AFF3: variants seen among roughly 807,000 people sequenced by gnomAD.
The protein encoded by AFF3 is ALF transcription elongation factor 3.
Under a neutral mutation model 129.7 loss-of-function variants are expected in AFF3, and 32 were observed. The ratio of observed to expected loss-of-function variants is 0.25; its 90% CI spans 0.19 to 0.33. AFF3 has a LOEUF of 0.33. Ranked by LOEUF, AFF3 falls within the 10% of genes least tolerant of loss-of-function variation. The pLI is 1.00. For missense variants in AFF3, 1,373 were observed against 1,592.0 expected, an observed-to-expected ratio of 0.86 and a Z score of 2.34; for synonymous variants, 644 against 635.4, an observed-to-expected ratio of 1.01 and a Z score of -0.20.
chr2:100,055,897 C>T (rs1206274472), intron 4 of AFF3, among the ~76,000 whole-genome samples: 1 of 152,060 alleles, frequency 6.6e-6, no homozygotes, highest in African/African-American at 2.4e-5. Flanking sequence ...GTGGGCCCAG[C>T]ACAGTGGCTC....
intron 7 of AFF3, among the ~76,000 whole-genome samples, chr2:99,958,007 T>C (rs932616469): frequency 1.3e-5 from 2 of 152,154 alleles, no homozygotes; most frequent in African/African-American, 4.8e-5. Context: ...GTTTTACCCC[T>C]AGAATGAGGA....
intron 8 of AFF3, among the ~76,000 whole-genome samples, chr2:99,803,349 A>G (rs953549260): frequency 6.6e-6 from 1 of 151,958 alleles, no homozygotes; most frequent in African/African-American, 2.4e-5. Context: ...TTCATTGAGG[A>G]TTTTTGCACT....
At chr2:99,636,546 T>A (rs1426652842) in intron 13 of AFF3, among the ~76,000 whole-genome samples, 1 of 152,142 alleles carries the variant, frequency 6.6e-6, no homozygotes, top group Non-Finnish European at 1.5e-5. Flanking sequence ...GTGTGACAAT[T>A]CAAACCCAAG....
Position 99,983,354 on chromosome 2 carries a change from T to C in AFF3, c.873+23278A>G, listed in dbSNP as rs542050574. On this transcript the variant is annotated intron_variant, in intron 7 of 24. Coordinates refer to ENST00000672756, the MANE Select transcript of AFF3 (RefSeq NM_001386135.1). Reference sequence around the variant, plus strand: ...CCTTCAGGTAAAGGCTGTTCCCCAATAGATCTTGATCCTATCTCTGTTTTT... The same window carrying C: ...CCTTCAGGTAAAGGCTGTTCCCCAACAGATCTTGATCCTATCTCTGTTTTT... Among the ~76,000 whole-genome samples, 68 of 152,332 alleles carry C rather than the reference T, an allele frequency of 4.5e-4. 1 individual carries two copies. Among genetic ancestry groups the C allele is most frequent in the African/African-American group, 1.5e-3 (63 of 41,574 alleles).
At chr2:100,016,893 G>A (rs1225871229) in intron 4 of AFF3, among the ~76,000 whole-genome samples, 5 of 151,556 alleles carry the variant, frequency 3.3e-5, no homozygotes, top group Non-Finnish European at 7.4e-5. Context: ...GGTGATGGTG[G>A]TGGTGGTGAT....
chr2:99,799,837 C>A (rs536280923), intron 8 of AFF3, among the ~76,000 whole-genome samples: 27 of 152,174 alleles, frequency 1.8e-4, no homozygotes, highest in South Asian at 4.1e-4. Flanking sequence ...AGTGCAAAGG[C>A]AATTAAGTGG....
At chr2:99,739,201 T>C (rs1384663581) in intron 10 of AFF3, among the ~76,000 whole-genome samples, 1 of 152,012 alleles carries the variant, frequency 6.6e-6, no homozygotes, top group Non-Finnish European at 1.5e-5. Context: ...CCAGTGGAAA[T>C]GTGGTCTTTC....
chr2:99,909,611 T>TAA (rs143706151), intron 7 of AFF3, among the ~76,000 whole-genome samples: 1 of 136,806 alleles, frequency 7.3e-6, no homozygotes, highest in African/African-American at 2.7e-5. Flanking sequence ...ATAATAATAA[T>TAA]AAAAAAAAAA....
intron 8 of AFF3, among the ~76,000 whole-genome samples, chr2:99,836,131 C>T (rs1456231088): frequency 6.6e-6 from 1 of 152,092 alleles, no homozygotes; most frequent in African/African-American, 2.4e-5. Flanking sequence ...CTCAGAAGGG[C>T]CAAGAGAGAA....
At chr2:100,106,878 G>C in intron 2 of AFF3, 1 of 985,542 alleles carries the variant, frequency 1.0e-6, no homozygotes, top group Non-Finnish European at 1.2e-6. Flanking sequence ...AAAGGAAAGA[G>C]GGAAGGCCCT....
intron 8 of AFF3, among the ~76,000 whole-genome samples, chr2:99,817,670 T>A (rs1687347668): frequency 6.6e-6 from 1 of 152,180 alleles, no homozygotes; most frequent in Non-Finnish European, 1.5e-5. Flanking sequence ...TACAGGTGCA[T>A]GCCACGGTGC....
intron 8 of AFF3, among the ~76,000 whole-genome samples, chr2:99,773,485 ATTC>A (rs1683653210): frequency 7.3e-6 from 1 of 137,270 alleles, no homozygotes; most frequent in African/African-American, 2.8e-5. Context: ...CGTTTTGGGA[ATTC>A]TTCTTTGGAA....
At chr2:99,871,004 T>A (rs916166132) in intron 7 of AFF3, among the ~76,000 whole-genome samples, 11 of 152,142 alleles carry the variant, frequency 7.2e-5, no homozygotes, top group African/African-American at 2.7e-4. Context: ...AAATCTGAAA[T>A]CCAAAATGCT....
At chr2:99,968,992 C>T (rs1472861806) in intron 7 of AFF3, among the ~76,000 whole-genome samples, 1 of 152,200 alleles carries the variant, frequency 6.6e-6, no homozygotes, top group African/African-American at 2.4e-5. Context: ...GGGAGTGTGG[C>T]TGCAGAAAGA....
chr2:99,747,322 G>A lies in AFF3; in HGVS notation c.1003-3182C>T, dbSNP rs1411452958. On this transcript the variant is annotated intron_variant, in intron 9 of 24. Transcript: ENST00000672756. ...TGGGATTACAGGCTTGAGCCACTGC[G>A]CCCGGCCTATCTTATTTATTTTTTA... 5.3e-5 allele frequency among the ~76,000 whole-genome samples: 8 copies of A among 151,536 alleles called. No homozygotes were observed. The East Asian group carries it at 9.8e-4, about 19-fold the overall frequency.
intron 4 of AFF3, among the ~76,000 whole-genome samples, chr2:100,095,881 T>C (rs1247605219): frequency 2.0e-5 from 3 of 152,180 alleles, no homozygotes; most frequent in Non-Finnish European, 4.4e-5. Flanking sequence ...CTCAGGGTAC[T>C]CCGGTAACGG....
At chr2:99,675,819 A>T (rs955066031) in intron 11 of AFF3, among the ~76,000 whole-genome samples, 1 of 151,934 alleles carries the variant, frequency 6.6e-6, no homozygotes, top group Non-Finnish European at 1.5e-5. Flanking sequence ...GGCCCAACCC[A>T]CTCCCAAACC....
intron 11 of AFF3, among the ~76,000 whole-genome samples, chr2:99,701,783 C>T (rs986669622): frequency 6.6e-6 from 1 of 152,234 alleles, no homozygotes. Flanking sequence ...CACACCATCA[C>T]CACAAACGTC....
At chr2:99,804,565 T>A (rs1412190102) in intron 8 of AFF3, among the ~76,000 whole-genome samples, 2 of 152,204 alleles carry the variant, frequency 1.3e-5, no homozygotes, top group East Asian at 3.8e-4. Flanking sequence ...AACTGTTCAA[T>A]TCAGCAATCC....
Sources: allele counts gnomAD v4.1 joint callset (sites outside exome capture counted in the v4.1 genomes callset), GRCh38; gene constraint gnomAD v4.1.1; transcripts MANE v1.5; gene names NCBI Gene and HGNC (gene_info 2026-07-23, HGNC 2026-07-21).